TLE4: variants seen among roughly 807,000 people sequenced by gnomAD.
The protein encoded by TLE4 is TLE family member 4, transcriptional corepressor.
Under a neutral mutation model 92.8 loss-of-function variants are expected in TLE4, and 8 were observed. The ratio of observed to expected loss-of-function variants is 0.09; its 90% CI spans 0.05 to 0.16. The LOEUF (loss-of-function observed/expected upper bound fraction) is 0.16. Among genes scored for constraint, TLE4 ranks in the 10% least tolerant of loss-of-function variants. The pLI is 1.00. For synonymous variants in TLE4, 371 were observed against 374.1 expected (o/e 0.99, Z 0.10); for missense variants, 675 against 997.6 (o/e 0.68, Z 4.36).
intron 6 of TLE4, among the ~76,000 whole-genome samples, chr9:79,631,616 ATGTGTGTGTGTGTGTGTGTGTG>A (rs57129541): frequency 8.5e-6 from 1 of 118,162 alleles, no homozygotes; most frequent in African/African-American, 3.1e-5. Flanking sequence ...TGAACCTTAA[ATGTGTGTGTGTGTGTGTGTGTG>A]TGTGTGTGTG....
At chr9:79,696,789 C>T (rs182188158) in intron 8 of TLE4, among the ~76,000 whole-genome samples, 10 of 152,318 alleles carry the variant, frequency 6.6e-5, no homozygotes, top group African/African-American at 1.9e-4. Flanking sequence ...AGCTGTTACC[C>T]TACTTCAGCT....
chr9:79,710,403 C>G (rs754884739), intron 14 of TLE4, among the ~76,000 whole-genome samples: 1 of 152,208 alleles, frequency 6.6e-6, no homozygotes, highest in Non-Finnish European at 1.5e-5. Flanking sequence ...CTCGCTTCTC[C>G]TTTGGGAAGC....
At chr9:79,716,750 G>T (rs1167714887) in intron 14 of TLE4, among the ~76,000 whole-genome samples, 1 of 152,088 alleles carries the variant, frequency 6.6e-6, no homozygotes, top group Non-Finnish European at 1.5e-5. Context: ...TAAATTCCTA[G>T]ACTACCATGC....
chr9:79,617,309 G>A (rs2049879340), intron 5 of TLE4, among the ~76,000 whole-genome samples: 1 of 151,984 alleles, frequency 6.6e-6, no homozygotes, highest in South Asian at 2.1e-4. Flanking sequence ...GATTAAGCAG[G>A]AAATATTGTG....
At chr9:79,704,952 T>G (rs1469949837) in intron 9 of TLE4, 50 bp downstream of exon 9, 2 of 1,608,582 alleles carry the variant, frequency 1.2e-6, no homozygotes, top group African/African-American at 2.7e-5. Flanking sequence ...CCTTTTTATC[T>G]GCAGCCATTT....
chr9:79,695,820 G>A (rs1161518037), intron 8 of TLE4, among the ~76,000 whole-genome samples: 1 of 152,208 alleles, frequency 6.6e-6, no homozygotes, highest in Non-Finnish European at 1.5e-5. Context: ...CACTCAGGCT[G>A]GGAAAGAGAG....
chr9:79,651,035 C>A (rs1286124208), intron 6 of TLE4, among the ~76,000 whole-genome samples: 1 of 28,154 alleles, frequency 3.6e-5, no homozygotes, highest in Non-Finnish European at 1.2e-4. Context: ...TGATCGATCT[C>A]TCTCTCTCTC....
At chr9:79,695,317 C>T (rs2067983805) in intron 8 of TLE4, among the ~76,000 whole-genome samples, 2 of 148,272 alleles carry the variant, frequency 1.3e-5, no homozygotes, top group Non-Finnish European at 3.0e-5. Context: ...TTGAAGGCTG[C>T]CTCCCTCCTT....
chr9:79,725,009 CA>C, intron 19 of TLE4, 27 bp from the exon 20 acceptor site: 1 of 1,562,024 alleles, frequency 6.4e-7, no homozygotes, highest in Non-Finnish European at 8.8e-7. Context: ...CAGTATTTAA[CA>C]TTTTTGATTA....
chr9:79,691,002 T>C (rs2066959484), intron 8 of TLE4, among the ~76,000 whole-genome samples: 1 of 152,128 alleles, frequency 6.6e-6, no homozygotes, highest in African/African-American at 2.4e-5. Flanking sequence ...CATCATTATA[T>C]TGACAAACTT....
intron 19 of TLE4, 62 bp from the exon 20 acceptor site, chr9:79,724,975 C>T: frequency 8.0e-7 from 1 of 1,248,724 alleles, no homozygotes; most frequent in Non-Finnish European, 1.1e-6. Context: ...GCTCTAAGTC[C>T]TCCATACTCA....
chr9:79,714,352 T>G (rs533708885), intron 14 of TLE4, among the ~76,000 whole-genome samples: 1 of 152,188 alleles, frequency 6.6e-6, no homozygotes, highest in Non-Finnish European at 1.5e-5. Context: ...TATATAGAGA[T>G]ATAGATCTGG....
intron 6 of TLE4, among the ~76,000 whole-genome samples, chr9:79,632,082 C>A (rs1006259797): frequency 3.9e-4 from 59 of 152,318 alleles, no homozygotes; most frequent in African/African-American, 1.3e-3. Context: ...AGCCTGACAG[C>A]ACCTCCAGTC....
chr9:79,688,082 C>A (rs1270479110), intron 8 of TLE4, among the ~76,000 whole-genome samples: 1 of 152,102 alleles, frequency 6.6e-6, no homozygotes, highest in Non-Finnish European at 1.5e-5. Flanking sequence ...TGAGAAGGCC[C>A]ACCTTGCTGG....
chr9:79,649,220 C>T (rs2058553856), intron 6 of TLE4, among the ~76,000 whole-genome samples: 1 of 151,750 alleles, frequency 6.6e-6, no homozygotes. Context: ...AGATTTACCT[C>T]AGTGTTTGAA....
chr9:79,591,602 C>T (rs1022327978), intron 4 of TLE4, among the ~76,000 whole-genome samples: 5 of 152,056 alleles, frequency 3.3e-5, no homozygotes, highest in Non-Finnish European at 4.4e-5. Context: ...GTTGTTGAAA[C>T]GATTTGAGTG....
chr9:79,690,935 G>T (rs1215617323), intron 8 of TLE4, among the ~76,000 whole-genome samples: 1 of 151,948 alleles, frequency 6.6e-6, no homozygotes, highest in Non-Finnish European at 1.5e-5. Context: ...CATGCCTGGT[G>T]ATTCCTGCCA....
At chr9:79,649,688 C>T in intron 6 of TLE4, 4 of 607,266 alleles carry the variant, frequency 6.6e-6, no homozygotes, top group Non-Finnish European at 1.0e-5. Context: ...TAGAACTGTT[C>T]TGAGATAGAA....
At chr9:79,633,962 A>T (rs1388824968) in intron 6 of TLE4, among the ~76,000 whole-genome samples, 1 of 152,200 alleles carries the variant, frequency 6.6e-6, no homozygotes, top group African/African-American at 2.4e-5. Context: ...GCCTGTTCTC[A>T]AAGCTCCCTA....
Sources: allele counts gnomAD v4.1 joint callset (sites outside exome capture counted in the v4.1 genomes callset), GRCh38; gene constraint gnomAD v4.1.1; transcripts MANE v1.5; gene names NCBI Gene and HGNC (gene_info 2026-07-23, HGNC 2026-07-21).